Variants in BOP1 observed in about 807,000 individuals in gnomAD.
BOP1 encodes ribosome biogenesis protein BOP1.
BOP1 carries 54 observed loss-of-function variants against 82.9 expected under a neutral mutation model. The observed-to-expected ratio is 0.65, with a 90% CI of 0.52 to 0.82. BOP1 has a LOEUF of 0.82. Among genes scored for constraint, BOP1 ranks in the 40% least tolerant of loss-of-function variants. BOP1 has a pLI of 0.00. For missense variants in BOP1, 1,170 were observed against 1,072.0 expected (o/e 1.09, Z -1.28); for synonymous variants, 566 against 451.1 (o/e 1.25, Z -3.23).
rs1387551437 is a variant in BOP1, at chr8:144,266,642, C to T, written c.391-1571G>A. 768 of 1,243,632 alleles carry T rather than the reference C, an allele frequency of 6.2e-4. 4 individuals carry two copies. In the African/African-American group the frequency reaches 0.011, roughly 17 times the overall value. The allele number at this position is 1,243,632 out of a possible 1,614,324, so 77.0% of individuals were successfully genotyped here. ...TCCTTCGCCACGCTGCGCCCGGCGCCGCCGGGCCGCTACCTGTACCCCGAG... is the reference window on the plus strand; with the variant it reads ...TCCTTCGCCACGCTGCGCCCGGCGCTGCCGGGCCGCTACCTGTACCCCGAG... On this transcript the variant is annotated intron_variant, in intron 3 of 15. Coordinates refer to ENST00000569669, the MANE Select transcript of BOP1 (RefSeq NM_015201.5).
At chr8:144,266,445 C>G (rs1297307212) in intron 3 of BOP1, 4 of 950,948 alleles carry the variant, frequency 4.2e-6, no homozygotes, top group Non-Finnish European at 5.0e-6. Context: ...AGCTCGGGGC[C>G]CCGCTCCGGC....
rs552228009 is a variant in BOP1 at position 144,286,315 on chromosome 8, C to A, written c.309+2780G>T. 2.0e-5 allele frequency among the ~76,000 whole-genome samples: 3 copies of A among 152,082 alleles called. No homozygotes were observed. The South Asian group carries it at 6.2e-4, about 32-fold the overall frequency. ...TGCCCCTCAGCTAAAGCACAGGACA[C>A]GCGGGCAGATGCACGGGCGCCATGG... On this transcript the variant is annotated intron_variant, in intron 2 of 15. Transcript: ENST00000569669.
chr8:144,277,990 G>A (rs1041730337), intron 2 of BOP1, among the ~76,000 whole-genome samples: 36 of 152,182 alleles, frequency 2.4e-4, no homozygotes, highest in African/African-American at 6.0e-4. Flanking sequence ...GCCACGCTCC[G>A]GACTCCTGGG....
At chr8:144,267,087 C>CCCG (rs1489041334) in intron 3 of BOP1, 86 of 1,367,502 alleles carry the variant, frequency 6.3e-5, no homozygotes, top group Middle Eastern at 2.7e-4. Context: ...CCGGCAGCCC[C>CCCG]CCGCCGCCGC....
In BOP1 at chr8:144,263,623, G is replaced by A. The variant is rs1845287479; in HGVS notation, c.1292-13C>T. ...CCGTCGTCAGAGCCTGGATGCGGCA[G>A]AGACAGCTCTCAACACCTGGCCATC... On this transcript the variant is annotated splice_polypyrimidine_tract_variant and intron_variant, in intron 10 of 15. Transcript: ENST00000569669. 6.2e-7 allele frequency: 1 copy of A among 1,608,796 alleles called. No homozygotes were observed. The highest frequency in any genetic ancestry group is 2.2e-5 in the East Asian group (1 of 44,836).
intron 3 of BOP1, chr8:144,265,661 G>A (rs1001939112): frequency 6.2e-6 from 1 of 160,068 alleles, no homozygotes; most frequent in Non-Finnish European, 1.4e-5. Context: ...GCTGCTTCCT[G>A]CAACAGTAGC....
At chr8:144,265,303 A>C in intron 3 of BOP1, 1 of 592,174 alleles carries the variant, frequency 1.7e-6, no homozygotes, top group Non-Finnish European at 3.0e-6. Context: ...GCACCTTCAC[A>C]TTTTCCACTG....
At chr8:144,284,056 G>A (rs1219828997) in intron 2 of BOP1, among the ~76,000 whole-genome samples, 2 of 152,206 alleles carry the variant, frequency 1.3e-5, no homozygotes, top group Non-Finnish European at 2.9e-5. Context: ...GGTGGAGGTT[G>A]CAGTGAGCCG....
intron 1 of BOP1, among the ~76,000 whole-genome samples, chr8:144,289,607 G>A (rs147447262): frequency 8.5e-5 from 13 of 152,218 alleles, no homozygotes; most frequent in Non-Finnish European, 1.6e-4. Flanking sequence ...AGCTCTCATC[G>A]CAAAACTAAC....
intron 2 of BOP1, among the ~76,000 whole-genome samples, chr8:144,284,610 A>C (rs984898742): frequency 6.6e-6 from 1 of 152,360 alleles, no homozygotes; most frequent in South Asian, 2.1e-4. Context: ...TCCTGGAAAG[A>C]GACTTCAGCA....
chr8:144,278,927 C>T (rs1845624953), intron 2 of BOP1, among the ~76,000 whole-genome samples: 1 of 152,222 alleles, frequency 6.6e-6, no homozygotes, highest in South Asian at 2.1e-4. Flanking sequence ...GAAAATACAG[C>T]CGAAAAACAT....
intron 4 of BOP1, 27 bp from the exon 5 acceptor site, chr8:144,264,858 A>T (rs1845319465): frequency 1.2e-6 from 2 of 1,608,464 alleles, no homozygotes; most frequent in Non-Finnish European, 1.7e-6. Context: ...AGACCCCGCC[A>T]GCCCTGCCCC....
chr8:144,287,015 T>C (rs1329444465), intron 2 of BOP1, among the ~76,000 whole-genome samples: 1 of 152,192 alleles, frequency 6.6e-6, no homozygotes, highest in African/African-American at 2.4e-5. Context: ...GCGAAAACAT[T>C]GTTTTGGTTT....
At chr8:144,285,017 G>A (rs782402229) in intron 2 of BOP1, among the ~76,000 whole-genome samples, 15 of 152,164 alleles carry the variant, frequency 9.9e-5, no homozygotes, top group Non-Finnish European at 1.9e-4. Context: ...TCCGCAGGAC[G>A]CCCCGGGCCG....
intron 2 of BOP1, among the ~76,000 whole-genome samples, chr8:144,279,994 C>T (rs1015907552): frequency 1.3e-4 from 20 of 152,196 alleles, no homozygotes; most frequent in African/African-American, 4.6e-4. Flanking sequence ...GTACCAGAAC[C>T]CTCTGGGGCT....
Position 144,264,394 on chromosome 8 carries a change from G to A in BOP1, c.809C>T (p.Pro270Leu). The A allele has an allele frequency of 6.2e-7, 1 of 1,602,748 alleles. No individual in the cohort carries two copies. Among genetic ancestry groups the A allele is most frequent in the Non-Finnish European group, 8.5e-7 (1 of 1,179,686 alleles). ...VHAIKMGWIQ[P>L]RRPRDPTPSF... ...GGGGGTGGGGTCTCGGGGCCGGCGA[G>A]GCTGGATCCAGCCCATCTTGATGGC... The change falls in exon 7 of 16, where the codon CCT (proline) becomes CTT (leucine). Residue 270 changes from proline (P) to leucine (L), a missense_variant. By Grantham distance (98) the Pro-to-Leu change is moderately conservative. Coordinates refer to ENST00000569669, the MANE Select transcript of BOP1 (RefSeq NM_015201.5).
At chr8:144,281,112 TCTCTCAGTTTAATACCAGGTCTTAGGCC>T (rs1845669936) in intron 2 of BOP1, among the ~76,000 whole-genome samples, 1 of 148,326 alleles carries the variant, frequency 6.7e-6, no homozygotes, top group African/African-American at 2.5e-5. Flanking sequence ...TCTTCGGCCT[TCTCTCAGTTTAATACCAGGTCTTAGGCC>T]TTCTCTCAGT....
At chr8:144,285,813 C>T (rs183674426) in intron 2 of BOP1, among the ~76,000 whole-genome samples, 3 of 152,360 alleles carry the variant, frequency 2.0e-5, no homozygotes, top group African/African-American at 7.2e-5. Flanking sequence ...CCCCTGGTGG[C>T]CCGGCCCCGT....
intron 3 of BOP1, chr8:144,267,084 C>A: frequency 7.3e-7 from 1 of 1,370,760 alleles, no homozygotes; most frequent in Non-Finnish European, 9.3e-7. Flanking sequence ...GCGCCGGCAG[C>A]CCCCCGCCGC....
Sources: allele counts gnomAD v4.1 joint callset (sites outside exome capture counted in the v4.1 genomes callset), GRCh38; gene constraint gnomAD v4.1.1; transcripts MANE v1.5; gene names NCBI Gene and HGNC (gene_info 2026-07-23, HGNC 2026-07-21).